The following SCP2 variants were observed in gnomAD, a reference collection of about 807,000 sequenced individuals.
SCP2 encodes SCP-2/3-oxoacyl-CoA thiolase.
SCP2 carries 48 observed loss-of-function variants against 71.4 expected under a neutral mutation model. The observed-to-expected ratio is 0.67, with a 90% CI of 0.53 to 0.86. The LOEUF is 0.86. Among genes scored for constraint, SCP2 ranks in the 40% least tolerant of loss-of-function variants. SCP2 has a pLI of 0.00. For missense variants in SCP2, 560 were observed against 655.6 expected, an observed-to-expected ratio of 0.85 and a Z score of 1.59; for synonymous variants, 220 against 218.1, an observed-to-expected ratio of 1.01 and a Z score of -0.08.
chr1:52,978,615 T>A (rs184111565), intron 9 of SCP2, among the ~76,000 whole-genome samples: 2 of 152,314 alleles, frequency 1.3e-5, no homozygotes, highest in Non-Finnish European at 2.9e-5. Context: ...CAGGCTGCAG[T>A]GCAGTAGTGC....
At chr1:53,005,536 C>A (rs886963498) in intron 11 of SCP2, among the ~76,000 whole-genome samples, 1 of 152,160 alleles carries the variant, frequency 6.6e-6, no homozygotes, top group Non-Finnish European at 1.5e-5. Context: ...CCAGCAAACT[C>A]CAACAGACCT....
intron 1 of SCP2, among the ~76,000 whole-genome samples, chr1:52,940,779 C>T (rs1654158962): frequency 6.6e-6 from 1 of 152,146 alleles, no homozygotes; most frequent in Non-Finnish European, 1.5e-5. Context: ...GAGACAGAGT[C>T]TCATTCTGTC....
intron 6 of SCP2, among the ~76,000 whole-genome samples, chr1:52,966,252 T>C (rs573875833): frequency 2.1e-4 from 32 of 152,200 alleles, no homozygotes; most frequent in African/African-American, 7.7e-4. Flanking sequence ...TAGATATATC[T>C]ATTATATGTT....
At chr1:53,009,109 G>A (rs1660822167) in intron 11 of SCP2, among the ~76,000 whole-genome samples, 1 of 152,100 alleles carries the variant, frequency 6.6e-6, no homozygotes, top group South Asian at 2.1e-4. Context: ...ACAAACCACT[G>A]CTCAACGAAA....
At chr1:53,024,225 A>C (rs770660525) in intron 12 of SCP2, among the ~76,000 whole-genome samples, 3 of 152,220 alleles carry the variant, frequency 2.0e-5, no homozygotes, top group Non-Finnish European at 4.4e-5. Flanking sequence ...TCCACTTAGA[A>C]TCATAGTACC....
intron 11 of SCP2, among the ~76,000 whole-genome samples, chr1:53,002,616 A>G (rs1201931058): frequency 6.6e-6 from 1 of 152,232 alleles, no homozygotes; most frequent in Admixed American, 6.5e-5. Context: ...ATGAATTCAT[A>G]GATCCTTTTC....
chr1:52,931,327 G>C (rs112371145), intron 1 of SCP2, among the ~76,000 whole-genome samples: 5,222 of 152,212 alleles, frequency 0.034, 310 homozygotes, highest in African/African-American at 0.12. Flanking sequence ...TAGGTGCCAG[G>C]TAGGGTGGGA....
intron 10 of SCP2, among the ~76,000 whole-genome samples, chr1:52,981,477 C>T (rs1001835604): frequency 6.6e-6 from 1 of 150,926 alleles, no homozygotes; most frequent in East Asian, 1.9e-4. Flanking sequence ...CGCTTTGTCA[C>T]CCAGGCTGGA....
intron 11 of SCP2, among the ~76,000 whole-genome samples, chr1:52,990,733 C>CAA (rs61221989): frequency 7.9e-4 from 49 of 62,406 alleles, no homozygotes; most frequent in African/African-American, 9.6e-4. Context: ...GACTCCGTCT[C>CAA]AAAAAAAAAA....
chr1:53,034,044 A>G (rs1293926989), intron 13 of SCP2, among the ~76,000 whole-genome samples: 1 of 152,100 alleles, frequency 6.6e-6, no homozygotes, highest in African/African-American at 2.4e-5. Flanking sequence ...TGGGTGGATC[A>G]CTCGAGGTCA....
At chr1:52,934,635 C>A (rs1262619577) in intron 1 of SCP2, among the ~76,000 whole-genome samples, 2 of 32,524 alleles carry the variant, frequency 6.1e-5, no homozygotes, top group African/African-American at 8.5e-5. Context: ...TTTTTTGAGA[C>A]GGAGTCTCTC....
chr1:52,964,979 C>G (rs1175661876), intron 6 of SCP2, among the ~76,000 whole-genome samples: 2 of 152,140 alleles, frequency 1.3e-5, no homozygotes, highest in Non-Finnish European at 2.9e-5. Flanking sequence ...CCACTGCACT[C>G]TAGCCTGGGC....
At chr1:52,972,348 G>A (rs12077241) in intron 6 of SCP2, among the ~76,000 whole-genome samples, 1 of 152,148 alleles carries the variant, frequency 6.6e-6, no homozygotes, top group Non-Finnish European at 1.5e-5. Flanking sequence ...CAGTGGCCAG[G>A]CTTAATAAAT....
intron 1 of SCP2, among the ~76,000 whole-genome samples, chr1:52,932,545 T>A: frequency 6.6e-6 from 1 of 152,080 alleles, no homozygotes; most frequent in East Asian, 1.9e-4. Context: ...CAGGGTAACA[T>A]AGAATAGTGA....
chr1:53,041,493 T>C (rs1663431421), intron 14 of SCP2, among the ~76,000 whole-genome samples: 1 of 152,140 alleles, frequency 6.6e-6, no homozygotes, highest in South Asian at 2.1e-4. Flanking sequence ...CATTAGAGCT[T>C]CCTAAGTAGA....
chr1:52,952,302 TA>T (rs1655387444), intron 4 of SCP2, among the ~76,000 whole-genome samples: 1 of 152,190 alleles, frequency 6.6e-6, no homozygotes, highest in Non-Finnish European at 1.5e-5. Context: ...TATCAGTACT[TA>T]ATTCCTTTTC....
intron 11 of SCP2, among the ~76,000 whole-genome samples, chr1:53,002,567 G>T (rs1366463771): frequency 6.6e-6 from 1 of 152,208 alleles, no homozygotes; most frequent in Non-Finnish European, 1.5e-5. Flanking sequence ...TAGGAATGTT[G>T]TAAGGAGAAT....
At chr1:52,961,482 A>G in intron 5 of SCP2, 21 bp from the exon 6 acceptor site, 1 of 1,613,240 alleles carries the variant, frequency 6.2e-7, no homozygotes, top group Non-Finnish European at 8.5e-7. Flanking sequence ...CTGCTTATGA[A>G]ATTTTGTTCC....
At chr1:53,032,811 A>G (rs1162126943) in intron 13 of SCP2, among the ~76,000 whole-genome samples, 3 of 152,210 alleles carry the variant, frequency 2.0e-5, no homozygotes, top group African/African-American at 7.2e-5. Context: ...ATAAGCCTCA[A>G]TTGCTTTTTC....
Sources: allele counts gnomAD v4.1 joint callset (sites outside exome capture counted in the v4.1 genomes callset), GRCh38; gene constraint gnomAD v4.1.1; transcripts MANE v1.5; gene names NCBI Gene and HGNC (gene_info 2026-07-23, HGNC 2026-07-21).